GLI2: variants seen among roughly 807,000 people sequenced by gnomAD.
GLI2 encodes the protein transcription activator GLI2.
A neutral mutation model predicts 78.9 loss-of-function variants in GLI2; 22 were observed. The observed-to-expected ratio is 0.28, with a 90% confidence interval of 0.20 to 0.40. The LOEUF (loss-of-function observed/expected upper bound fraction) is 0.40, where lower values mean the gene tolerates loss of function less well. Among genes scored for constraint, GLI2 ranks in the 10% least tolerant of loss-of-function variants. The probability of loss-of-function intolerance (pLI) is 1.00; values close to 1 mark genes in which losing one functional copy is unlikely to be tolerated. For synonymous variants in GLI2, 974 were observed against 963.7 expected, an observed-to-expected ratio of 1.01 and a Z score of -0.20; for missense variants, 2,097 against 2,213.2, an observed-to-expected ratio of 0.95 and a Z score of 1.05.
At chr2:120,914,178 A>C (rs1205259151) in intron 2 of GLI2, among the ~76,000 whole-genome samples, 1 of 152,244 alleles carries the variant, frequency 6.6e-6, no homozygotes, top group Non-Finnish European at 1.5e-5. Flanking sequence ...TAGCTAGCCG[A>C]CAAGGTCCCT....
chr2:120,810,024 C>T (rs1335071589), intron 2 of GLI2, among the ~76,000 whole-genome samples: 1 of 152,174 alleles, frequency 6.6e-6, no homozygotes, highest in Non-Finnish European at 1.5e-5. Flanking sequence ...CCCTGCTGGC[C>T]CCAACTCCAG....
intron 13 of GLI2, among the ~76,000 whole-genome samples, chr2:120,987,424 G>T (rs1208951177): frequency 6.6e-6 from 1 of 152,180 alleles, no homozygotes; most frequent in Non-Finnish European, 1.5e-5. Context: ...CGCATGCAAT[G>T]ACTGGTCACT....
intron 2 of GLI2, among the ~76,000 whole-genome samples, chr2:120,920,994 C>T (rs1020998443): frequency 6.6e-5 from 10 of 151,890 alleles, no homozygotes; most frequent in South Asian, 2.1e-4. Context: ...ATTCTTCCCA[C>T]GCATCTTCAT....
In GLI2 at chr2:120,975,006, A is replaced by G. The variant is rs145528480; in HGVS notation, c.1214A>G (p.Asp405Gly). ...CTGGCTGACCTCAAGGAAGATCTGG[A>G]CAGGGATGACTGTAAGCAGGAGGCT... ...EQLADLKEDLDRDDCKQEAEV... is the reference protein window; with the variant it reads ...EQLADLKEDLGRDDCKQEAEV... Residue 405 changes from aspartate (D) to glycine (G), a missense_variant, in exon 9 of 14, where the codon GAC becomes GGC. Physicochemically the swap from Asp to Gly is moderately conservative, Grantham distance 94. Transcript: ENST00000361492. 8 of 1,614,026 alleles carry G rather than the reference A, an allele frequency of 5.0e-6. No homozygotes were observed. The highest frequency in any genetic ancestry group is 6.8e-6 in the Non-Finnish European group (8 of 1,180,018).
At chr2:120,911,720 G>A (rs1165937121) in intron 2 of GLI2, among the ~76,000 whole-genome samples, 2 of 152,072 alleles carry the variant, frequency 1.3e-5, no homozygotes, top group East Asian at 3.9e-4. Flanking sequence ...GTCTGCCTGC[G>A]GTGGAGGGGG....
chr2:120,951,702 G>T (rs1681003111), intron 4 of GLI2: 2 of 443,306 alleles, frequency 4.5e-6, no homozygotes, highest in African/African-American at 2.0e-5. Context: ...GTCTATCCAG[G>T]TAGGTCCTGT....
intron 2 of GLI2, among the ~76,000 whole-genome samples, chr2:120,832,794 C>T (rs17005260): frequency 1.3e-5 from 2 of 152,164 alleles, no homozygotes; most frequent in East Asian, 3.9e-4. Flanking sequence ...ATGGAGTCTT[C>T]AAGAGGACGG....
chr2:120,772,282 G>T (rs1419144386), intron 1 of GLI2, among the ~76,000 whole-genome samples: 3 of 152,110 alleles, frequency 2.0e-5, no homozygotes, highest in South Asian at 2.1e-4. Flanking sequence ...AACCCGCAAG[G>T]TCTCCTTTCT....
chr2:120,736,508 G>A (rs557668768), intron 1 of GLI2, among the ~76,000 whole-genome samples: 194 of 151,982 alleles, frequency 1.3e-3, no homozygotes, highest in African/African-American at 4.3e-3. Flanking sequence ...CGTAAGGAGA[G>A]TCCTGGGGCT....
At chr2:120,780,936 G>A (rs769608341) in intron 1 of GLI2, among the ~76,000 whole-genome samples, 2 of 152,176 alleles carry the variant, frequency 1.3e-5, no homozygotes, top group Non-Finnish European at 2.9e-5. Context: ...GGTCATAGTC[G>A]TGGCAGCCCC....
intron 2 of GLI2, among the ~76,000 whole-genome samples, chr2:120,833,089 C>T (rs1686443266): frequency 1.3e-5 from 2 of 152,028 alleles, no homozygotes; most frequent in Admixed American, 6.6e-5. Context: ...TCTCCCAGCC[C>T]ACCTCCAGGC....
intron 2 of GLI2, among the ~76,000 whole-genome samples, chr2:120,891,953 A>G (rs1221419538): frequency 6.6e-6 from 1 of 152,160 alleles, no homozygotes; most frequent in Non-Finnish European, 1.5e-5. Context: ...GTCTTCACTG[A>G]GCACAGTGGG....
rs1291052476 is a variant in GLI2 at position 120,991,940 on chromosome 2, G to A, written c.*1265G>A. 1 of 151,584 alleles carries A rather than the reference G, an allele frequency of 6.6e-6. No homozygotes were observed. Among genetic ancestry groups the A allele is most frequent in the Non-Finnish European group, 1.5e-5 (1 of 67,994 alleles). 9.4% of individuals were successfully genotyped at this position (151,584 alleles called of 1,614,324 possible). A position where few individuals can be genotyped will look rare whatever the true frequency, so the allele number is the denominator to read the frequency against. ...CAAGACCCACCTGGAAATGGAATTTGGAACTGGCTTCAGGAGACATCATTC... is the reference window on the plus strand; with the variant it reads ...CAAGACCCACCTGGAAATGGAATTTAGAACTGGCTTCAGGAGACATCATTC... On this transcript the variant is annotated 3_prime_UTR_variant, in exon 14 of 14. Transcript: ENST00000361492.
intron 3 of GLI2, among the ~76,000 whole-genome samples, chr2:120,930,619 C>A (rs188904227): frequency 6.6e-6 from 1 of 152,376 alleles, no homozygotes; most frequent in East Asian, 1.9e-4. Flanking sequence ...GCAGCAGTGT[C>A]CCCTGGGAGT....
At chr2:120,953,088 G>T (rs916416699) in intron 4 of GLI2, among the ~76,000 whole-genome samples, 2 of 152,326 alleles carry the variant, frequency 1.3e-5, no homozygotes, top group East Asian at 3.9e-4. Flanking sequence ...CAAACCTGTG[G>T]GTATTCCCTC....
chr2:120,988,967 G>A lies in GLI2; in HGVS notation c.3002G>A (p.Gly1001Asp). 1 of 1,551,992 alleles carries A rather than the reference G, an allele frequency of 6.4e-7. No homozygotes were observed. The highest frequency in any genetic ancestry group is 8.7e-7 in the Non-Finnish European group (1 of 1,154,874). Residue 1001 changes from glycine (G) to aspartate (D), a missense_variant, in exon 14 of 14, where the codon GGC (glycine) becomes GAC (aspartate). This residue lies in a region of GLI2 where 1,290 missense variants were observed against 1,261.7 expected (regional missense o/e 1.02). Transcript: ENST00000361492. ...RLQSHPSTDG[G>D]LARGAYSPRP... ...CAGAGCCACCCGAGCACCGACGGCG[G>A]CCTGGCCCGCGGCGCCTACTCGCCC...
intron 1 of GLI2, among the ~76,000 whole-genome samples, chr2:120,778,093 A>G (rs1016111200): frequency 1.8e-4 from 27 of 152,088 alleles, no homozygotes; most frequent in Admixed American, 8.5e-4. Context: ...TGGAGGAGGG[A>G]AGGTGGCCCA....
chr2:120,752,873 A>G (rs1682920539), intron 1 of GLI2, among the ~76,000 whole-genome samples: 1 of 152,098 alleles, frequency 6.6e-6, no homozygotes, highest in African/African-American at 2.4e-5. Flanking sequence ...TGAGCACATA[A>G]ACAGCTTCCC....
At chr2:120,857,320 T>A (rs2104627503) in intron 2 of GLI2, among the ~76,000 whole-genome samples, 1 of 138,124 alleles carries the variant, frequency 7.2e-6, no homozygotes, top group African/African-American at 2.8e-5. Context: ...CACTTACCCA[T>A]TTGCCCACCC....
Sources: gnomAD v4.1 joint callset for allele counts (sites outside exome capture counted in the v4.1 genomes callset) on GRCh38, gnomAD v4.1.1 for gene constraint, gnomAD v4.1.1 regional missense constraint, MANE v1.5 for transcripts, NCBI Gene and HGNC (gene_info 2026-07-23, HGNC 2026-07-21) for gene names.